The following N4BP2L2 variants were observed in gnomAD, a reference collection of about 807,000 sequenced individuals.
The protein encoded by N4BP2L2 is NEDD4-binding protein 2-like 2.
In N4BP2L2, 50 loss-of-function variants were observed where a neutral mutation model predicts 56.2. That is an observed-to-expected ratio of 0.89 (90% CI 0.71 to 1.13). The LOEUF is 1.13. Ranked by LOEUF, N4BP2L2 falls within the 50% of genes most tolerant of loss-of-function variation. N4BP2L2 has a pLI of 0.00. For missense variants in N4BP2L2, 689 were observed against 693.8 expected (o/e 0.99, Z 0.08); for synonymous variants, 203 against 223.6 (o/e 0.91, Z 0.82).
intron 2 of N4BP2L2, among the ~76,000 whole-genome samples, chr13:32,532,173 A>T (rs1251491272): frequency 1.3e-5 from 2 of 152,236 alleles, no homozygotes; most frequent in East Asian, 3.8e-4. Flanking sequence ...TTAGGGATTA[A>T]AACATGAGTA....
chr13:32,483,149 AAC>A (rs2085131922), intron 6 of N4BP2L2, among the ~76,000 whole-genome samples: 1 of 152,176 alleles, frequency 6.6e-6, no homozygotes, highest in South Asian at 2.1e-4. Flanking sequence ...TAACTTGGGA[AAC>A]CCTCTTCTTA....
In N4BP2L2 at chr13:32,526,880, T is replaced by C. The variant is rs552743991; in HGVS notation, c.1384+528A>G. On this transcript the variant is annotated intron_variant, in intron 3 of 5. Coordinates refer to ENST00000267068, the Ensembl canonical transcript of N4BP2L2. ...TTAAAGTCCCCAAGAAATTCAAAAG[T>C]GTAGCCCAGGTTAAGAACCCCTATT... 5 of 125,230 alleles carry C rather than the reference T, an allele frequency of 4.0e-5. No individual in the cohort carries two copies. The South Asian group carries it at 9.9e-4, about 25-fold the overall frequency. The allele number at this position is 125,230 out of a possible 1,614,324, so 7.8% of individuals were successfully genotyped here. A position where few individuals can be genotyped will look rare whatever the true frequency, so the allele number is the denominator to read the frequency against.
chr13:32,444,401 A>G (rs1010168976), intron 6 of N4BP2L2, among the ~76,000 whole-genome samples: 5 of 152,086 alleles, frequency 3.3e-5, no homozygotes, highest in Non-Finnish European at 7.4e-5. Context: ...AGTAGCTGGT[A>G]TTATGGGTGC....
At chr13:32,521,329 AAAG>A in intron 5 of N4BP2L2, 41 bp downstream of exon 5, 1 of 1,378,264 alleles carries the variant, frequency 7.3e-7, no homozygotes, top group Non-Finnish European at 1.0e-6. Flanking sequence ...TTCACAAAAG[AAAG>A]AAGAAAAGTT....
At chr13:32,453,138 A>T (rs1427369421) in intron 6 of N4BP2L2, among the ~76,000 whole-genome samples, 1 of 152,172 alleles carries the variant, frequency 6.6e-6, no homozygotes, top group East Asian at 1.9e-4. Flanking sequence ...GGGCGCCTGT[A>T]GTCCCAGCTA....
intron 2 of N4BP2L2, among the ~76,000 whole-genome samples, chr13:32,531,267 A>C (rs1416806568): frequency 6.6e-6 from 1 of 152,188 alleles, no homozygotes; most frequent in Non-Finnish European, 1.5e-5. Flanking sequence ...TGTTGCTTTA[A>C]ACAACTAAGT....
intron 6 of N4BP2L2, among the ~76,000 whole-genome samples, chr13:32,454,686 C>A (rs921442160): frequency 6.8e-4 from 103 of 152,232 alleles, no homozygotes; most frequent in African/African-American, 2.4e-3. Flanking sequence ...TAATTAATAT[C>A]AATAAATAGA....
intron 6 of N4BP2L2, chr13:32,446,225 C>A: frequency 2.0e-6 from 1 of 494,600 alleles, no homozygotes; most frequent in South Asian, 2.0e-5. Context: ...TTACACATTT[C>A]TAGATATTGG....
intron 3 of N4BP2L2, chr13:32,526,818 GTTTTTTTTTTTTTTTTT>G (rs35925361): frequency 4.1e-5 from 1 of 24,236 alleles, no homozygotes; most frequent in South Asian, 2.1e-3. Context: ...CTTTTTGTCT[GTTTTTTTTTTTTTTTTT>G]TTTTTTTTTT....
intron 9 of N4BP2L2, among the ~76,000 whole-genome samples, chr13:32,434,097 G>C (rs890480331): frequency 6.6e-6 from 1 of 151,560 alleles, no homozygotes; most frequent in Non-Finnish European, 1.5e-5. Flanking sequence ...TGTTTGTAGA[G>C]ATGGAGTCTT....
At chr13:32,492,622 T>C (rs921234565) in intron 6 of N4BP2L2, among the ~76,000 whole-genome samples, 3 of 152,150 alleles carry the variant, frequency 2.0e-5, no homozygotes, top group South Asian at 2.1e-4. Context: ...AGGCGCACTA[T>C]TAAGACAGCC....
chr13:32,519,362 T>C lies in N4BP2L2; in HGVS notation c.1551-1359A>G, dbSNP rs185655074. ...AGGAAGAGGTTGCAGTGAGCCAAGATCGTCACTGCAAGCCGGGTGCAGTGG... is the reference window on the plus strand; with the variant it reads ...AGGAAGAGGTTGCAGTGAGCCAAGACCGTCACTGCAAGCCGGGTGCAGTGG... On this transcript the variant is annotated intron_variant, in intron 5 of 5. Coordinates refer to ENST00000267068, the Ensembl canonical transcript of N4BP2L2. Among the ~76,000 whole-genome samples the C allele has an allele frequency of 4.2e-3, 636 of 151,928 alleles. 5 individuals carry two copies. Among genetic ancestry groups the C allele is most frequent in the African/African-American group, 0.014 (592 of 41,422 alleles).
intron 6 of N4BP2L2, chr13:32,477,740 T>C: frequency 1.8e-6 from 1 of 540,820 alleles, no homozygotes; most frequent in Non-Finnish European, 2.9e-6. Flanking sequence ...GATGGAACCT[T>C]GAGCCTAAGT....
chr13:32,527,796 T>TC (rs1555274295), intron 2 of N4BP2L2, among the ~76,000 whole-genome samples: 3 of 151,450 alleles, frequency 2.0e-5, no homozygotes, highest in African/African-American at 7.3e-5. Context: ...TTTTTTTTTT[T>TC]AGATGGTCTC....
chr13:32,521,366 G>T lies in N4BP2L2; in HGVS notation c.1550+7C>A. 6.3e-7 allele frequency: 1 copy of T among 1,587,212 alleles called. No homozygotes were observed. The highest frequency in any genetic ancestry group is 8.6e-7 in the Non-Finnish European group (1 of 1,158,858). ...TTAAGGATTCAATAAAAATTCGAGT[G>T]TCTTACTTTTCTAATTCTTCAGGAT... is the stretch of plus-strand genomic sequence containing the variant. On this transcript the variant is annotated splice_region_variant and intron_variant, in intron 5 of 5. Coordinates refer to ENST00000267068, the Ensembl canonical transcript of N4BP2L2.
exon 7 of N4BP2L2, chr13:32,443,939 T>C (rs1325488811): frequency 6.3e-7 from 1 of 1,596,820 alleles, no homozygotes; most frequent in Non-Finnish European, 8.5e-7. Context: ...GATTCTCTTC[T>C]GGTCTTTTCA....
chr13:32,537,143 T>A (rs956249276), intron 1 of N4BP2L2, 116 bp from the exon 2 acceptor site: 2 of 748,752 alleles, frequency 2.7e-6, no homozygotes, highest in African/African-American at 3.6e-5. Flanking sequence ...TATTTAATGG[T>A]AACAATTTCC....
chr13:32,452,057 CTTTTTCTTTTTTT>C (rs147980229), intron 6 of N4BP2L2, among the ~76,000 whole-genome samples: 54,067 of 148,946 alleles, frequency 0.36, 11,015 homozygotes, highest in East Asian at 0.68. Context: ...TTTTCTTTTT[CTTTTTCTTTTTTT>C]TTTTTTTTGG....
At chr13:32,441,410 C>T (rs1373481242) in intron 7 of N4BP2L2, among the ~76,000 whole-genome samples, 1 of 152,050 alleles carries the variant, frequency 6.6e-6, no homozygotes, top group Non-Finnish European at 1.5e-5. Context: ...TTCTGGTGGC[C>T]TGGTGGTTCA....
Sources: allele counts gnomAD v4.1 joint callset (sites outside exome capture counted in the v4.1 genomes callset), GRCh38; gene constraint gnomAD v4.1.1; transcripts MANE v1.5; gene names NCBI Gene and HGNC (gene_info 2026-07-23, HGNC 2026-07-21).